The following TTC39B variants were observed in gnomAD, a reference collection of about 807,000 sequenced individuals.
TTC39B encodes the protein tetratricopeptide repeat protein 39B.
Under a neutral mutation model 96.6 loss-of-function variants are expected in TTC39B, and 92 were observed. The ratio of observed to expected loss-of-function variants is 0.95; its 90% confidence interval spans 0.80 to 1.13. The LOEUF is 1.13. TTC39B is among the 50% of genes most tolerant of loss of function. The probability of loss-of-function intolerance (pLI) is 0.00; values close to 1 mark genes in which losing one functional copy is unlikely to be tolerated. For missense variants in TTC39B, 955 were observed against 809.3 expected (o/e 1.18, Z -2.18); for synonymous variants, 367 against 299.4 (o/e 1.23, Z -2.33).
At chr9:15,194,371 A>G (rs1819030293) in intron 8 of TTC39B, among the ~76,000 whole-genome samples, 1 of 152,174 alleles carries the variant, frequency 6.6e-6, no homozygotes, top group East Asian at 1.9e-4. Flanking sequence ...TTACTAAAGT[A>G]CCTATCTTTC....
intron 2 of TTC39B, among the ~76,000 whole-genome samples, chr9:15,261,450 G>A (rs1411896974): frequency 1.3e-5 from 2 of 149,234 alleles, no homozygotes; most frequent in African/African-American, 5.0e-5. Context: ...ACTCTAGCCT[G>A]GGAGACAGAG....
At chr9:15,256,116 C>T (rs1822741721) in intron 2 of TTC39B, among the ~76,000 whole-genome samples, 1 of 152,134 alleles carries the variant, frequency 6.6e-6, no homozygotes, top group Admixed American at 6.5e-5. Flanking sequence ...AGGGTTCCAC[C>T]CTTGTAAATG....
At chr9:15,168,811 CAATAAAATAATATTAAATT>C (rs1817575623) in exon 20 of TTC39B, 1 of 151,566 alleles carries the variant, frequency 6.6e-6, no homozygotes, top group Non-Finnish European at 1.5e-5. Flanking sequence ...GACTCTGTCT[CAATAAAATAATATTAAATT>C]AAAATAAAAT....
intron 18 of TTC39B, among the ~76,000 whole-genome samples, chr9:15,176,223 A>C (rs1165587682): frequency 1.3e-5 from 2 of 152,238 alleles, no homozygotes; most frequent in African/African-American, 2.4e-5. Flanking sequence ...ACTCCAATGA[A>C]GGTGAGTTCA....
At chr9:15,265,195 A>G (rs1437930903) in intron 2 of TTC39B, among the ~76,000 whole-genome samples, 1 of 137,758 alleles carries the variant, frequency 7.3e-6, no homozygotes, top group Non-Finnish European at 1.5e-5. Flanking sequence ...TTTTTTAAAA[A>G]CTAATAGATG....
chr9:15,189,107 G>C (rs182502290), intron 13 of TTC39B, among the ~76,000 whole-genome samples: 1 of 152,284 alleles, frequency 6.6e-6, no homozygotes. Flanking sequence ...AATGGTTTGT[G>C]AATGTATATA....
chr9:15,290,709 G>T (rs546887969), intron 1 of TTC39B, among the ~76,000 whole-genome samples: 33 of 152,168 alleles, frequency 2.2e-4, no homozygotes, highest in African/African-American at 7.7e-4. Context: ...TCCAGTGAAC[G>T]CTAATCAAAG....
At chr9:15,304,510 T>A (rs1408015933) in intron 1 of TTC39B, among the ~76,000 whole-genome samples, 1 of 152,094 alleles carries the variant, frequency 6.6e-6, no homozygotes. Flanking sequence ...AATTAAAAAA[T>A]CAATTTAGCC....
chr9:15,177,706 A>G (rs888941386), exon 18 of TTC39B: 3 of 1,608,468 alleles, frequency 1.9e-6, no homozygotes, highest in South Asian at 1.1e-5. Context: ...CCTTTCCACA[A>G]CATGATTGTA....
chr9:15,238,728 G>A (rs1224284380), intron 2 of TTC39B, among the ~76,000 whole-genome samples: 1 of 152,148 alleles, frequency 6.6e-6, no homozygotes, highest in Non-Finnish European at 1.5e-5. Context: ...CCTCATGCCT[G>A]TAATCCCAGC....
chr9:15,299,374 G>A (rs1053399145), intron 1 of TTC39B, among the ~76,000 whole-genome samples: 1 of 152,196 alleles, frequency 6.6e-6, no homozygotes, highest in African/African-American at 2.4e-5. Context: ...AAGAGCTGAA[G>A]ATGCATGATG....
chr9:15,283,337 C>A (rs1481412644), intron 1 of TTC39B, among the ~76,000 whole-genome samples: 1 of 152,220 alleles, frequency 6.6e-6, no homozygotes, highest in Non-Finnish European at 1.5e-5. Flanking sequence ...ATTTCTCTGT[C>A]ACTATGGAGA....
intron 1 of TTC39B, among the ~76,000 whole-genome samples, chr9:15,299,652 T>A (rs1272043864): frequency 6.6e-6 from 1 of 152,138 alleles, no homozygotes; most frequent in Non-Finnish European, 1.5e-5. Context: ...CTTTGGGAAG[T>A]GAATACAAAG....
intron 17 of TTC39B, among the ~76,000 whole-genome samples, chr9:15,178,463 C>A (rs1818078869): frequency 6.6e-6 from 1 of 152,110 alleles, no homozygotes; most frequent in South Asian, 2.1e-4. Context: ...GTAGTCCCAG[C>A]TACTCAGAGA....
chr9:15,167,019 TATATATA>T (rs1394581424), exon 20 of TTC39B: 22 of 9,966 alleles, frequency 2.2e-3, no homozygotes, highest in African/African-American at 5.9e-3. Flanking sequence ...TATATATATA[TATATATA>T]TATTTTTTTT....
At chr9:15,251,700 C>CATATATATATATAT (rs57422881) in intron 2 of TTC39B, among the ~76,000 whole-genome samples, 1,016 of 98,096 alleles carry the variant, frequency 0.01, 29 homozygotes, top group East Asian at 0.031. Context: ...CATACATATA[C>CATATATATATATAT]ATATATATAT....
Position 15,267,906 on chromosome 9 carries a change from T to C in TTC39B, c.275+8A>G. 2 of 1,606,220 alleles carry C rather than the reference T, an allele frequency of 1.2e-6. No individual in the cohort carries two copies. Among genetic ancestry groups the C allele is most frequent in the Non-Finnish European group, 1.7e-6 (2 of 1,176,520 alleles). Reference sequence around the variant, plus strand: ...TTACTACATACTTTTTATTATGTTATTACTTACATTGAGATGGTTTCCAAG... The same window carrying C: ...TTACTACATACTTTTTATTATGTTACTACTTACATTGAGATGGTTTCCAAG... On this transcript the variant is annotated splice_region_variant and intron_variant, in intron 2 of 19. Coordinates refer to ENST00000512701, the Ensembl canonical transcript of TTC39B.
intron 3 of TTC39B, among the ~76,000 whole-genome samples, chr9:15,223,537 G>C (rs965985389): frequency 5.9e-5 from 9 of 152,122 alleles, no homozygotes; most frequent in African/African-American, 1.7e-4. Flanking sequence ...AACATATGAG[G>C]TATGGCGCTA....
intron 7 of TTC39B, among the ~76,000 whole-genome samples, chr9:15,201,315 T>A (rs1317345802): frequency 1.3e-5 from 2 of 149,428 alleles, no homozygotes; most frequent in African/African-American, 4.9e-5. Context: ...TTAAACTTAA[T>A]GCCTATTTTA....
Sources: allele counts gnomAD v4.1 joint callset (sites outside exome capture counted in the v4.1 genomes callset), GRCh38; gene constraint gnomAD v4.1.1; transcripts MANE v1.5; gene names NCBI Gene and HGNC (gene_info 2026-07-23, HGNC 2026-07-21).